NPHP3: variants seen among roughly 807,000 people sequenced by gnomAD.
NPHP3 encodes the protein nephrocystin 3.
A neutral mutation model predicts 171.9 loss-of-function variants in NPHP3; 123 were observed. The ratio of observed to expected loss-of-function variants is 0.72; its 90% CI spans 0.62 to 0.83. The LOEUF is 0.83. Ranked by LOEUF, NPHP3 falls within the 40% of genes least tolerant of loss-of-function variation. The pLI, the probability that NPHP3 is intolerant of heterozygous loss-of-function variation, is 0.00. For synonymous variants in NPHP3, 558 were observed against 579.2 expected (o/e 0.96, Z 0.52); for missense variants, 1,506 against 1,591.9 (o/e 0.95, Z 0.92).
Position 132,708,119 on chromosome 3 carries a change from G to C in NPHP3, c.1257C>G (p.Asn419Lys), listed in dbSNP as rs1452656589. The C allele has an allele frequency of 1.9e-6, 3 of 1,614,012 alleles. No individual in the cohort carries two copies. The highest frequency in any genetic ancestry group is 1.3e-5 in the African/African-American group (1 of 74,904). ...ATTTTACCTTGGCTTTGCTGGTCTT[G>C]TTTAGATTAGAAACTTGATCAATCA... ...QQLIDQVSNL[N>K]KTSKAKIIDH... The change falls in exon 7 of 27, where the codon AAC becomes AAG. Residue 419 changes from asparagine (N) to lysine (K), a missense_variant. Physicochemically the swap from Asn to Lys is moderately conservative, Grantham distance 94. Around this residue, in one of 3 missense-constraint regions of NPHP3, gnomAD observed 930 missense variants for 924.9 expected, o/e 1.01. Transcript: ENST00000337331.
At chr3:132,689,377 G>T in intron 19 of NPHP3, 114 bp from the exon 20 acceptor site, 1 of 1,064,282 alleles carries the variant, frequency 9.4e-7, no homozygotes, top group Non-Finnish European at 1.4e-6. Flanking sequence ...GGCGAGTACT[G>T]TGTAATGAGG....
intron 18 of NPHP3, 94 bp downstream of exon 18, chr3:132,691,098 T>C (rs1939287788): frequency 8.3e-6 from 8 of 959,554 alleles, no homozygotes; most frequent in Non-Finnish European, 1.4e-5. Context: ...ATTAAGTTTT[T>C]GTACTTTAAG....
At chr3:132,718,249 AAT>A in intron 3 of NPHP3, 1 of 285,988 alleles carries the variant, frequency 3.5e-6, no homozygotes, top group Non-Finnish European at 6.8e-6. Context: ...TTTAAAATAG[AAT>A]ATTTTTCTTT....
At chr3:132,704,415 A>ATTTTGG in intron 8 of NPHP3, 44 bp from the exon 9 acceptor site, 1 of 1,612,174 alleles carries the variant, frequency 6.2e-7, no homozygotes, top group Non-Finnish European at 8.5e-7. Context: ...GAAGAAAATA[A>ATTTTGG]AGATCTTACA....
At chr3:132,718,017 G>A in intron 3 of NPHP3, 1 of 440,176 alleles carries the variant, frequency 2.3e-6, no homozygotes, top group Non-Finnish European at 4.5e-6. Context: ...GCCTCCCAAA[G>A]TGCTGGTATT....
intron 8 of NPHP3, among the ~76,000 whole-genome samples, chr3:132,705,326 C>A (rs1391119101): frequency 1.3e-5 from 2 of 152,094 alleles, no homozygotes; most frequent in Non-Finnish European, 2.9e-5. Context: ...TGTTCTCACC[C>A]CCCTGGAGGC....
intron 6 of NPHP3, among the ~76,000 whole-genome samples, chr3:132,710,276 G>C (rs1427032389): frequency 6.6e-6 from 1 of 150,588 alleles, no homozygotes; most frequent in Non-Finnish European, 1.5e-5. Context: ...AATGAAGAAA[G>C]TTCAAGTATA....
Position 132,681,569 on chromosome 3 carries a change from A to C in NPHP3, c.*341T>G. 1 of 307,090 alleles carries C rather than the reference A, an allele frequency of 3.3e-6. No individual in the cohort carries two copies. The highest frequency in any genetic ancestry group is 6.3e-6 in the Non-Finnish European group (1 of 158,674). 19.0% of individuals were successfully genotyped at this position (307,090 alleles called of 1,614,324 possible). On this transcript the variant is annotated 3_prime_UTR_variant, in exon 27 of 27. Coordinates refer to ENST00000337331, the MANE Select transcript of NPHP3 (RefSeq NM_153240.5). ...AGGCATGAGCCACCATGCCTGGCCA[A>C]GATTCATGGAATTTTTGAACTCCTT...
intron 11 of NPHP3, 105 bp from the exon 12 acceptor site, chr3:132,700,166 A>G: frequency 5.6e-6 from 8 of 1,422,164 alleles, no homozygotes; most frequent in Non-Finnish European, 7.9e-6. Flanking sequence ...ATAAACCAAA[A>G]TCAAGTCACC....
Position 132,694,899 on chromosome 3 carries a change from T to G in NPHP3, c.2238A>C (p.Ser746=). The G allele has an allele frequency of 6.2e-7, 1 of 1,613,814 alleles. No individual in the cohort carries two copies. Among genetic ancestry groups the G allele is most frequent in the Non-Finnish European group, 8.5e-7 (1 of 1,179,860 alleles). ...TAGAGTGCAGAACAAGTCTATATAATGAAAGAGTATCTTGACACTGGAAAC... is the reference window on the plus strand; with the variant it reads ...TAGAGTGCAGAACAAGTCTATATAAGGAAAGAGTATCTTGACACTGGAAAC... ...HQCFQCQDTL[S]LYRLVLHSIR... is the part of the protein sequence containing the mutation. The change falls in exon 16 of 27, where the codon TCA becomes TCC. Residue 746 remains serine (S), a synonymous_variant. Transcript: ENST00000337331.
chr3:132,692,689 A>G lies in NPHP3; in HGVS notation c.2440T>C (p.Tyr814His). 1 of 1,614,008 alleles carries G rather than the reference A, an allele frequency of 6.2e-7. No homozygotes were observed. The change falls in exon 17 of 27, where the codon TAT becomes CAT. Residue 814 changes from tyrosine (Y) to histidine (H), a missense_variant. Physicochemically the swap from Tyr to His is moderately conservative, Grantham distance 83. Around this residue, in one of 3 missense-constraint regions of NPHP3, gnomAD observed 569 missense variants for 648.1 expected, o/e 0.88. Transcript: ENST00000337331. ...HSLYKMCLLT[Y>H]GCGLLRFQHL... ...TGAAACCTAAGCAAGCCACATCCAT[A>G]AGTCAACAAACACATTTTGTATAAA...
In NPHP3 at chr3:132,708,129, G is replaced by C; in HGVS notation, c.1247C>G (p.Ser416Cys). ...GGCTTTGCTGGTCTTGTTTAGATTA[G>C]AAACTTGATCAATCAATTGCTGGAC... ...DSVQQLIDQV[S>C]NLNKTSKAKI... Residue 416 changes from serine to cysteine, a missense_variant, in exon 7 of 27, where the codon TCT (serine) becomes TGT (cysteine). Around this residue, in one of 3 missense-constraint regions of NPHP3, gnomAD observed 930 missense variants for 924.9 expected, o/e 1.01. Coordinates refer to ENST00000337331, the MANE Select transcript of NPHP3 (RefSeq NM_153240.5). 1 of 1,614,176 alleles carries C rather than the reference G, an allele frequency of 6.2e-7. No individual in the cohort carries two copies. The highest frequency in any genetic ancestry group is 8.5e-7 in the Non-Finnish European group (1 of 1,180,038).
In NPHP3 at chr3:132,708,136, G is replaced by A; in HGVS notation, c.1240C>T (p.Gln414Ter). 1 of 1,614,140 alleles carries A rather than the reference G, an allele frequency of 6.2e-7. No individual in the cohort carries two copies. The highest frequency in any genetic ancestry group is 8.5e-7 in the Non-Finnish European group (1 of 1,180,012). Reference protein sequence around the residue: ...SSDSVQQLIDQVSNLNKTSKA... With the variant: ...SSDSVQQLID ...CTGGTCTTGTTTAGATTAGAAACTT[G>A]ATCAATCAATTGCTGGACAGAGTCA... is the stretch of plus-strand genomic sequence containing the variant. The change falls in exon 7 of 27, where the codon CAA becomes TAA. Residue 414 changes from glutamine (Q) to a stop codon, truncating the protein, a stop_gained. Transcript: ENST00000337331. LOFTEE classifies it high-confidence loss of function.
intron 4 of NPHP3, among the ~76,000 whole-genome samples, chr3:132,716,115 T>C (rs1396082886): frequency 3.3e-5 from 5 of 152,226 alleles, no homozygotes; most frequent in Non-Finnish European, 7.3e-5. Context: ...ATATTTTATT[T>C]GTGGCCAAAG....
intron 6 of NPHP3, 46 bp downstream of exon 6, chr3:132,713,080 T>C: frequency 2.9e-6 from 3 of 1,042,504 alleles, no homozygotes; most frequent in Non-Finnish European, 4.2e-6. Context: ...CTCAATTCTA[T>C]TTACAGTTTA....
chr3:132,716,949 A>G (rs1576685968), intron 3 of NPHP3, 40 bp from the exon 4 acceptor site: 2 of 1,607,180 alleles, frequency 1.2e-6, no homozygotes, highest in East Asian at 2.2e-5. Flanking sequence ...AAGCCAACTT[A>G]TTGAATGTTC....
chr3:132,719,455 T>C (rs1940143502), intron 2 of NPHP3, among the ~76,000 whole-genome samples: 1 of 152,158 alleles, frequency 6.6e-6, no homozygotes, highest in Admixed American at 6.5e-5. Flanking sequence ...CTTTTCCCCA[T>C]ATGGAAACGC....
At chr3:132,721,864 A>C (rs1250764630) in intron 1 of NPHP3, 99 bp downstream of exon 1, 11 of 1,389,778 alleles carry the variant, frequency 7.9e-6, no homozygotes, top group Non-Finnish European at 7.0e-6. Flanking sequence ...TAAAATGGGC[A>C]GTTTCCGCCG....
At chr3:132,714,977 A>G in intron 5 of NPHP3, 108 bp downstream of exon 5, 1 of 901,138 alleles carries the variant, frequency 1.1e-6, no homozygotes, top group Non-Finnish European at 1.8e-6. Context: ...TTTAAGACAT[A>G]TAATCTAGTA....
Sources: gnomAD v4.1 joint callset for allele counts (sites outside exome capture counted in the v4.1 genomes callset) on GRCh38, gnomAD v4.1.1 for gene constraint, gnomAD v4.1.1 regional missense constraint, MANE v1.5 for transcripts, NCBI Gene and HGNC (gene_info 2026-07-23, HGNC 2026-07-21) for gene names.